Variants in TSPAN5 observed in about 807,000 individuals in gnomAD.
TSPAN5 encodes tetraspanin-5.
In TSPAN5, 10 loss-of-function variants were observed where a neutral mutation model predicts 37.1. The ratio of observed to expected loss-of-function variants is 0.27; its 90% CI spans 0.17 to 0.46. TSPAN5 has a LOEUF of 0.46. Among genes scored for constraint, TSPAN5 ranks in the 20% least tolerant of loss-of-function variants. TSPAN5 has a pLI of 1.00. For missense variants in TSPAN5, 195 were observed against 326.6 expected, an observed-to-expected ratio of 0.60 and a Z score of 3.11; for synonymous variants, 110 against 118.9, an observed-to-expected ratio of 0.93 and a Z score of 0.48.
At chr4:98,559,144 CTA>C (rs942408038) in intron 1 of TSPAN5, among the ~76,000 whole-genome samples, 3 of 14,564 alleles carry the variant, frequency 2.1e-4, no homozygotes, top group Non-Finnish European at 4.6e-4. Flanking sequence ...AACAGTATTA[CTA>C]GACAGTAACG....
intron 1 of TSPAN5, among the ~76,000 whole-genome samples, chr4:98,511,401 C>T (rs958483024): frequency 3.9e-5 from 6 of 152,158 alleles, no homozygotes; most frequent in African/African-American, 1.4e-4. Context: ...TAGCCTATTG[C>T]TCCTAGGCTA....
chr4:98,494,204 G>A (rs1228254576), intron 2 of TSPAN5, among the ~76,000 whole-genome samples: 1 of 152,094 alleles, frequency 6.6e-6, no homozygotes, highest in African/African-American at 2.4e-5. Flanking sequence ...GCCTGCTCTA[G>A]AGTGGGGCAG....
At chr4:98,538,817 T>A (rs1363348418) in intron 1 of TSPAN5, among the ~76,000 whole-genome samples, 2 of 152,246 alleles carry the variant, frequency 1.3e-5, no homozygotes, top group Admixed American at 1.3e-4. Context: ...CTGATAAATT[T>A]CCTTTGACTG....
chr4:98,585,588 G>A (rs771767907), intron 1 of TSPAN5, among the ~76,000 whole-genome samples: 1 of 152,196 alleles, frequency 6.6e-6, no homozygotes, highest in Non-Finnish European at 1.5e-5. Flanking sequence ...GAGATTAAAG[G>A]CGTGAGCCAC....
At chr4:98,606,040 A>C (rs140446193) in intron 1 of TSPAN5, among the ~76,000 whole-genome samples, 4 of 152,284 alleles carry the variant, frequency 2.6e-5, no homozygotes, top group African/African-American at 9.6e-5. Context: ...GACACTGAAC[A>C]CTTGTTTCTG....
rs377471756 is a variant in TSPAN5 at position 98,554,473 on chromosome 4, C to T, written c.82-46745G>A. ...CACATTACAAATCCATAATCTAACG[C>T]GCTAATCATACTCATTCAATTGCTG... On this transcript the variant is annotated intron_variant, in intron 1 of 7. Transcript: ENST00000305798. Among the ~76,000 whole-genome samples, 109 of 152,260 alleles carry T rather than the reference C, an allele frequency of 7.2e-4. 1 individual carries two copies. The highest frequency in any genetic ancestry group is 2.3e-3 in the African/African-American group (95 of 41,542).
At position 98,508,528 on chromosome 4, in the gene TSPAN5, T is replaced by C. The variant is rs562991108; in HGVS notation, c.82-800A>G. ...TTTCCATTTTACTGTTTTTCTTTTT[T>C]TTTTTTTTTTTTTTGAGATGGGGTT... On this transcript the variant is annotated intron_variant, in intron 1 of 7. Transcript: ENST00000305798. 8.5e-4 allele frequency among the ~76,000 whole-genome samples: 127 copies of C among 149,984 alleles called. 1 individual carries two copies. Among genetic ancestry groups the C allele is most frequent in the East Asian group, 2.3e-3 (12 of 5,118 alleles).
At chr4:98,655,174 TTTTG>T (rs1002526206) in intron 1 of TSPAN5, among the ~76,000 whole-genome samples, 7 of 152,232 alleles carry the variant, frequency 4.6e-5, no homozygotes, top group East Asian at 1.9e-4. Context: ...GTTTTTTGTT[TTTTG>T]TTTGTTTGTT....
At chr4:98,625,060 T>C (rs1267025129) in intron 1 of TSPAN5, among the ~76,000 whole-genome samples, 5 of 152,002 alleles carry the variant, frequency 3.3e-5, no homozygotes, top group African/African-American at 4.8e-5. Context: ...ACAACAATAA[T>C]AGGAAAGGGA....
At chr4:98,494,645 C>T (rs1312453187) in intron 2 of TSPAN5, among the ~76,000 whole-genome samples, 1 of 151,970 alleles carries the variant, frequency 6.6e-6, no homozygotes, top group Non-Finnish European at 1.5e-5. Context: ...GCCATAATCA[C>T]TGTTATCACT....
intron 1 of TSPAN5, among the ~76,000 whole-genome samples, chr4:98,573,327 C>T (rs1201635741): frequency 2.0e-5 from 3 of 152,172 alleles, no homozygotes; most frequent in African/African-American, 4.8e-5. Context: ...GAAAAACATA[C>T]AAGCAAATAT....
At chr4:98,640,350 G>C (rs2110276619) in intron 1 of TSPAN5, among the ~76,000 whole-genome samples, 1 of 152,270 alleles carries the variant, frequency 6.6e-6, no homozygotes, top group African/African-American at 2.4e-5. Flanking sequence ...TTATGGGATA[G>C]CTGCTATATT....
In TSPAN5 at chr4:98,478,731, C is replaced by T. The variant is rs373765263; in HGVS notation, c.530G>A (p.Arg177Gln). 1.2e-6 allele frequency: 2 copies of T among 1,614,026 alleles called. No homozygotes were observed. The highest frequency in any genetic ancestry group is 1.7e-6 in the Non-Finnish European group (2 of 1,180,038). Residue 177 changes from arginine to glutamine, a missense_variant, in exon 5 of 8, where the codon CGA (arginine) becomes CAA (glutamine). Coordinates refer to ENST00000305798, the MANE Select transcript of TSPAN5 (RefSeq NM_005723.4). ...YFNCTDSNAS[R>Q]ERCGVPFSCC... Reference sequence around the variant, plus strand: ...GGAGAATGGAACGCCACATCGCTCTCGACTTGCATTGGAATCTGTGCAATT... The same window carrying T: ...GGAGAATGGAACGCCACATCGCTCTTGACTTGCATTGGAATCTGTGCAATT...
intron 7 of TSPAN5, among the ~76,000 whole-genome samples, chr4:98,475,471 G>A (rs1752670986): frequency 6.6e-6 from 1 of 152,140 alleles, no homozygotes; most frequent in Non-Finnish European, 1.5e-5. Flanking sequence ...GAGAGAAAGG[G>A]GTATGACATC....
chr4:98,598,217 C>T (rs1414005940), intron 1 of TSPAN5, among the ~76,000 whole-genome samples: 2 of 141,688 alleles, frequency 1.4e-5, no homozygotes, highest in Non-Finnish European at 3.0e-5. Flanking sequence ...CGTCCGTCAC[C>T]CCTTTCTTTG....
rs1578934801 is a variant in TSPAN5 at position 98,481,937 on chromosome 4, G to A, written c.450+68C>T. ...CAGCTGGCAGATGCAGAAACCAGGA[G>A]GGATGAAATTCACTGGGGTCATCGT... On this transcript the variant is annotated intron_variant, in intron 4 of 7. Coordinates refer to ENST00000305798, the MANE Select transcript of TSPAN5 (RefSeq NM_005723.4). The A allele has an allele frequency of 9.2e-6, 14 of 1,513,888 alleles. No homozygotes were observed. The East Asian group carries it at 3.2e-4, about 34-fold the overall frequency. The allele number at this position is 1,513,888 out of a possible 1,614,324, so 93.8% of individuals were successfully genotyped here.
intron 1 of TSPAN5, among the ~76,000 whole-genome samples, chr4:98,522,105 T>C (rs1753869338): frequency 6.6e-6 from 1 of 152,224 alleles, no homozygotes; most frequent in African/African-American, 2.4e-5. Flanking sequence ...ACTTCAAAGC[T>C]TCAGACATTG....
At chr4:98,639,753 T>C (rs186655604) in intron 1 of TSPAN5, among the ~76,000 whole-genome samples, 29 of 152,314 alleles carry the variant, frequency 1.9e-4, no homozygotes, top group African/African-American at 7.0e-4. Context: ...TTCTTCACCA[T>C]TAGAAACTTA....
chr4:98,503,383 C>A (rs890139419), intron 2 of TSPAN5, among the ~76,000 whole-genome samples: 2 of 152,132 alleles, frequency 1.3e-5, no homozygotes, highest in African/African-American at 4.8e-5. Context: ...ACAAGGGGCT[C>A]CAGCCCACAT....
Sources: gnomAD v4.1 joint callset for allele counts (sites outside exome capture counted in the v4.1 genomes callset) on GRCh38, gnomAD v4.1.1 for gene constraint, MANE v1.5 for transcripts, NCBI Gene and HGNC (gene_info 2026-07-23, HGNC 2026-07-21) for gene names.